IFT57: variants seen among roughly 807,000 people sequenced by gnomAD.
IFT57 encodes intraflagellar transport protein 57 homolog.
IFT57 carries 59 observed loss-of-function variants against 56.8 expected under a neutral mutation model. That is an observed-to-expected ratio of 1.04 (90% CI 0.84 to 1.29). The LOEUF is 1.29. Ranked by LOEUF, IFT57 falls within the 50% of genes most tolerant of loss-of-function variation. The pLI, the probability that IFT57 is intolerant of heterozygous loss-of-function variation, is 0.00. For synonymous variants in IFT57, 209 were observed against 186.1 expected (o/e 1.12, Z -1.00); for missense variants, 470 against 522.1 (o/e 0.90, Z 0.97).
chr3:108,192,283 T>A (rs1305612047), intron 5 of IFT57, among the ~76,000 whole-genome samples: 1 of 151,486 alleles, frequency 6.6e-6, no homozygotes, highest in East Asian at 1.9e-4. Flanking sequence ...AAAGAATCAC[T>A]ATTTACAAAA....
intron 5 of IFT57, among the ~76,000 whole-genome samples, chr3:108,193,225 G>A (rs1170158901): frequency 6.6e-6 from 1 of 152,138 alleles, no homozygotes; most frequent in Non-Finnish European, 1.5e-5. Context: ...TTACATTAGG[G>A]TTTGTATTTT....
chr3:108,205,994 T>TAA (rs202003249), intron 5 of IFT57, among the ~76,000 whole-genome samples: 2 of 114,276 alleles, frequency 1.8e-5, no homozygotes, highest in South Asian at 2.4e-4. Flanking sequence ...TATAATATAT[T>TAA]TATGTTATAT....
At chr3:108,213,890 C>T (rs138978303) in intron 4 of IFT57, 41 bp downstream of exon 4, 15 of 1,210,456 alleles carry the variant, frequency 1.2e-5, no homozygotes, top group Admixed American at 3.6e-5. Context: ...GGGAAGTGGC[C>T]GAAAGGTGAA....
chr3:108,181,589 G>C (rs935140072), intron 6 of IFT57, among the ~76,000 whole-genome samples: 2 of 152,034 alleles, frequency 1.3e-5, no homozygotes, highest in African/African-American at 4.8e-5. Flanking sequence ...AGTTAATTTA[G>C]GCAGTTTATT....
chr3:108,180,548 C>T (rs1484775188), intron 6 of IFT57, among the ~76,000 whole-genome samples: 1 of 151,978 alleles, frequency 6.6e-6, no homozygotes, highest in African/African-American at 2.4e-5. Flanking sequence ...TCCCCACTTC[C>T]TCCCAGCTCA....
chr3:108,214,719 C>T (rs1440760876), intron 3 of IFT57, among the ~76,000 whole-genome samples: 1 of 152,076 alleles, frequency 6.6e-6, no homozygotes, highest in Non-Finnish European at 1.5e-5. Context: ...AATATCTTGT[C>T]ATATTTTAAT....
intron 5 of IFT57, among the ~76,000 whole-genome samples, chr3:108,205,976 A>T (rs1470837): frequency 0.18 from 9,223 of 51,646 alleles, 394 homozygotes; most frequent in Non-Finnish European, 0.28. Flanking sequence ...ATATATTTAT[A>T]TATAATATAT....
At chr3:108,175,480 G>A (rs541119563) in intron 6 of IFT57, among the ~76,000 whole-genome samples, 71 of 151,796 alleles carry the variant, frequency 4.7e-4, no homozygotes, top group Non-Finnish European at 8.7e-4. Flanking sequence ...CTGAAAAACT[G>A]TGATGAAGTA....
At chr3:108,217,491 A>G (rs1469658627) in intron 3 of IFT57, among the ~76,000 whole-genome samples, 1 of 152,060 alleles carries the variant, frequency 6.6e-6, no homozygotes, top group Non-Finnish European at 1.5e-5. Context: ...ACTAAATAAT[A>G]ATGTTTGGAT....
At chr3:108,183,366 G>C (rs988938076) in intron 6 of IFT57, among the ~76,000 whole-genome samples, 1 of 152,208 alleles carries the variant, frequency 6.6e-6, no homozygotes, top group African/African-American at 2.4e-5. Flanking sequence ...GCCAGACCGG[G>C]AAGCAAAACC....
chr3:108,204,357 A>G (rs2080297798), intron 5 of IFT57, among the ~76,000 whole-genome samples: 1 of 152,228 alleles, frequency 6.6e-6, no homozygotes, highest in East Asian at 1.9e-4. Context: ...ATACTTAGAT[A>G]ATTTACAAAA....
chr3:108,206,065 T>C (rs1286329695), intron 5 of IFT57, among the ~76,000 whole-genome samples: 2 of 104,240 alleles, frequency 1.9e-5, no homozygotes, highest in African/African-American at 7.2e-5. Flanking sequence ...TATTTATATA[T>C]AATAATATAT....
At chr3:108,176,396 T>A (rs2080124243) in intron 6 of IFT57, among the ~76,000 whole-genome samples, 1 of 151,964 alleles carries the variant, frequency 6.6e-6, no homozygotes, top group East Asian at 1.9e-4. Context: ...ACAAAATGAA[T>A]AGGAAACCAA....
At chr3:108,189,007 C>T (rs769876993) in intron 6 of IFT57, among the ~76,000 whole-genome samples, 2 of 152,136 alleles carry the variant, frequency 1.3e-5, no homozygotes, top group Non-Finnish European at 2.9e-5. Context: ...ATTATTTTAA[C>T]ACATCATTAT....
intron 6 of IFT57, among the ~76,000 whole-genome samples, chr3:108,175,965 G>A (rs1226098132): frequency 6.6e-6 from 1 of 151,714 alleles, no homozygotes; most frequent in East Asian, 1.9e-4. Flanking sequence ...GTTCATGGAG[G>A]TCTATTCGCA....
At chr3:108,165,597 AC>A in intron 8 of IFT57, 104 bp from the exon 9 acceptor site, 1 of 825,464 alleles carries the variant, frequency 1.2e-6, no homozygotes, top group Non-Finnish European at 2.1e-6. Context: ...TTTTATGACA[AC>A]CCTGCTCCTT....
chr3:108,213,233 CTG>C (rs1260059218), intron 4 of IFT57, among the ~76,000 whole-genome samples: 4 of 152,138 alleles, frequency 2.6e-5, no homozygotes, highest in Non-Finnish European at 4.4e-5. Context: ...GGATATTCAA[CTG>C]TGTGGGGGCC....
chr3:108,209,690 A>G (rs780000935), intron 4 of IFT57, among the ~76,000 whole-genome samples: 3 of 152,220 alleles, frequency 2.0e-5, no homozygotes, highest in Non-Finnish European at 2.9e-5. Flanking sequence ...AAAGCTGAGA[A>G]AGAGAATGTA....
At chr3:108,174,567 T>C in intron 6 of IFT57, among the ~76,000 whole-genome samples, 1 of 151,854 alleles carries the variant, frequency 6.6e-6, no homozygotes, top group Non-Finnish European at 1.5e-5. Flanking sequence ...TACTTCTACC[T>C]TCTCTTTAAG....
Sources: gnomAD v4.1 joint callset for allele counts (sites outside exome capture counted in the v4.1 genomes callset) on GRCh38, gnomAD v4.1.1 for gene constraint, MANE v1.5 for transcripts, NCBI Gene and HGNC (gene_info 2026-07-23, HGNC 2026-07-21) for gene names.